Variants in MAP3K7 observed in about 807,000 individuals in gnomAD.
MAP3K7 encodes the protein TGF-beta activated kinase 1.
A neutral mutation model predicts 84.8 loss-of-function variants in MAP3K7; 21 were observed. The observed-to-expected ratio is 0.25, with a 90% CI of 0.18 to 0.36. The LOEUF (loss-of-function observed/expected upper bound fraction) is 0.36. Among genes scored for constraint, MAP3K7 ranks in the 10% least tolerant of loss-of-function variants. MAP3K7 has a pLI of 1.00. For synonymous variants in MAP3K7, 241 were observed against 247.7 expected, an observed-to-expected ratio of 0.97 and a Z score of 0.25; for missense variants, 503 against 747.7, an observed-to-expected ratio of 0.67 and a Z score of 3.82.
intron 1 of MAP3K7, among the ~76,000 whole-genome samples, chr6:90,581,008 A>C (rs973029564): frequency 6.6e-6 from 1 of 152,238 alleles, no homozygotes; most frequent in African/African-American, 2.4e-5. Flanking sequence ...AAAATACAGA[A>C]GAATATGAGA....
chr6:90,518,844 C>T lies in MAP3K7; in HGVS notation c.1525-282G>A, dbSNP rs1480934296. Among the ~76,000 whole-genome samples the T allele has an allele frequency of 4.0e-5, 6 of 151,768 alleles. No individual in the cohort carries two copies. In the East Asian group the frequency reaches 1.2e-3, roughly 29 times the overall value. ...ATTTCAGGCTGCAAACAGGCTCAAACTAAATGATGTTTATAGCCCTCATAC... is the reference window on the plus strand; with the variant it reads ...ATTTCAGGCTGCAAACAGGCTCAAATTAAATGATGTTTATAGCCCTCATAC... On this transcript the variant is annotated intron_variant, in intron 15 of 16. Coordinates refer to ENST00000369329, the MANE Select transcript of MAP3K7 (RefSeq NM_145331.3).
chr6:90,543,871 G>A (rs889723437), intron 12 of MAP3K7, among the ~76,000 whole-genome samples: 1 of 151,992 alleles, frequency 6.6e-6, no homozygotes, highest in Non-Finnish European at 1.5e-5. Context: ...ATCACCATAA[G>A]AAATAAAGCA....
intron 1 of MAP3K7, among the ~76,000 whole-genome samples, chr6:90,574,741 T>C (rs546794000): frequency 1.1e-4 from 16 of 152,320 alleles, no homozygotes; most frequent in Middle Eastern, 3.4e-3. Flanking sequence ...AATTCACAAG[T>C]GCCACCTAGT....
intron 15 of MAP3K7, 27 bp downstream of exon 15, chr6:90,519,231 A>G (rs374447282): frequency 2.0e-6 from 3 of 1,528,844 alleles, no homozygotes; most frequent in African/African-American, 2.8e-5. Context: ...AAAAAAGTCA[A>G]CTTTCAATAA....
intron 1 of MAP3K7, among the ~76,000 whole-genome samples, chr6:90,572,983 C>T (rs1030468260): frequency 6.6e-6 from 1 of 152,076 alleles, no homozygotes; most frequent in Admixed American, 6.6e-5. Flanking sequence ...TTTTCTTTAG[C>T]AAAAAATCTG....
chr6:90,587,010 G>T lies in MAP3K7; in HGVS notation c.-127C>A. 1 of 1,170,880 alleles carries T rather than the reference G, an allele frequency of 8.5e-7. No individual in the cohort carries two copies. The highest frequency in any genetic ancestry group is 1.1e-6 in the Non-Finnish European group (1 of 887,722). The allele number at this position is 1,170,880 out of a possible 1,614,324, so 72.5% of individuals were successfully genotyped here. On this transcript the variant is annotated 5_prime_UTR_variant, in exon 1 of 17. Transcript: ENST00000369329. ...GCGCAGTCCTACTACCCGGCGATCCGTGGCGGGGGTAGAGGCAGCGGCCAC... is the reference window on the plus strand; with the variant it reads ...GCGCAGTCCTACTACCCGGCGATCCTTGGCGGGGGTAGAGGCAGCGGCCAC...
rs1582197017 is a variant in MAP3K7, at chr6:90,548,123, A to G, written c.1004T>C (p.Met335Thr). ...ATCATTTGTGGCAGGAACTTGCTCCATATTAGTGTCACTTTTGTTACTCGT... is the reference window on the plus strand; with the variant it reads ...ATCATTTGTGGCAGGAACTTGCTCCGTATTAGTGTCACTTTTGTTACTCGT... ...TNTSNKSDTN[M>T]EQVPATNDTI... Residue 335 changes from methionine to threonine, a missense_variant, in exon 10 of 17, where the codon ATG (methionine) becomes ACG (threonine). This residue lies in a region of MAP3K7 where 286 missense variants were observed against 313.6 expected (regional missense o/e 0.91). Coordinates refer to ENST00000369329, the MANE Select transcript of MAP3K7 (RefSeq NM_145331.3). 6.2e-7 allele frequency: 1 copy of G among 1,612,312 alleles called. No homozygotes were observed. Among genetic ancestry groups the G allele is most frequent in the Non-Finnish European group, 8.5e-7 (1 of 1,179,136 alleles).
chr6:90,559,011 T>C (rs551996556), intron 5 of MAP3K7, among the ~76,000 whole-genome samples: 8 of 152,326 alleles, frequency 5.3e-5, no homozygotes, highest in East Asian at 1.9e-4. Context: ...TCTGTTAATA[T>C]AGTGGAAAAA....
chr6:90,521,934 A>G (rs1775165330), intron 14 of MAP3K7, among the ~76,000 whole-genome samples: 1 of 152,160 alleles, frequency 6.6e-6, no homozygotes, highest in Non-Finnish European at 1.5e-5. Context: ...TTTAACTTAC[A>G]TTTACACTCT....
intron 13 of MAP3K7, among the ~76,000 whole-genome samples, chr6:90,529,115 G>A (rs1335881837): frequency 6.6e-6 from 1 of 152,138 alleles, no homozygotes; most frequent in Non-Finnish European, 1.5e-5. Flanking sequence ...CAAAATGTTC[G>A]TTTACTGATT....
At position 90,514,806 on chromosome 6, in the gene MAP3K7, A is replaced by G. The variant is rs1246311595; in HGVS notation, c.*1695T>C. 1 of 151,982 alleles carries G rather than the reference A, an allele frequency of 6.6e-6. No homozygotes were observed. The highest frequency in any genetic ancestry group is 1.5e-5 in the Non-Finnish European group (1 of 67,910). 9.4% of individuals were successfully genotyped at this position (151,982 alleles called of 1,614,324 possible). On this transcript the variant is annotated 3_prime_UTR_variant, in exon 17 of 17. Transcript: ENST00000369329. Reference sequence around the variant, plus strand: ...TTTTCTCTGCCAATTTTATTTTACTATTACTATGCTGAATCCAATATCTGT... The same window carrying G: ...TTTTCTCTGCCAATTTTATTTTACTGTTACTATGCTGAATCCAATATCTGT...
intron 14 of MAP3K7, among the ~76,000 whole-genome samples, chr6:90,519,944 T>A (rs527358863): frequency 6.6e-6 from 1 of 152,050 alleles, no homozygotes; most frequent in South Asian, 2.1e-4. Context: ...TGTGGCTCAA[T>A]GTCATGCCGA....
intron 4 of MAP3K7, among the ~76,000 whole-genome samples, chr6:90,560,668 T>C (rs1185657083): frequency 2.6e-5 from 4 of 152,124 alleles, no homozygotes; most frequent in Admixed American, 2.0e-4. Flanking sequence ...CCTTTTAATT[T>C]TTCTTCTAAA....
chr6:90,573,300 C>T (rs1209121017), intron 1 of MAP3K7, among the ~76,000 whole-genome samples: 1 of 152,114 alleles, frequency 6.6e-6, no homozygotes, highest in Non-Finnish European at 1.5e-5. Context: ...TTACTTTAGA[C>T]TTACATGAAC....
At chr6:90,560,960 T>A (rs922672869) in intron 4 of MAP3K7, among the ~76,000 whole-genome samples, 1 of 152,114 alleles carries the variant, frequency 6.6e-6, no homozygotes, top group Non-Finnish European at 1.5e-5. Context: ...AAACCAGAAG[T>A]AGTTCAATCA....
chr6:90,525,010 T>G (rs1775273314), intron 13 of MAP3K7, among the ~76,000 whole-genome samples: 1 of 151,170 alleles, frequency 6.6e-6, no homozygotes, highest in South Asian at 2.1e-4. Flanking sequence ...TTTATTCAAC[T>G]CAAAACTTGA....
chr6:90,567,694 T>C (rs1315194167), intron 3 of MAP3K7, among the ~76,000 whole-genome samples: 1 of 152,148 alleles, frequency 6.6e-6, no homozygotes, highest in African/African-American at 2.4e-5. Context: ...ACCATTTGAC[T>C]CAGCCATCCC....
At chr6:90,580,568 C>A (rs1777237011) in intron 1 of MAP3K7, among the ~76,000 whole-genome samples, 1 of 152,192 alleles carries the variant, frequency 6.6e-6, no homozygotes, top group African/African-American at 2.4e-5. Flanking sequence ...CAATCTCCCA[C>A]CTTGGCCTCC....
chr6:90,580,522 T>C (rs1317076195), intron 1 of MAP3K7, among the ~76,000 whole-genome samples: 3 of 152,252 alleles, frequency 2.0e-5, no homozygotes, highest in Non-Finnish European at 2.9e-5. Context: ...GGTCTCACTA[T>C]GTTGCCCAGA....
Sources: allele counts gnomAD v4.1 joint callset (sites outside exome capture counted in the v4.1 genomes callset), GRCh38; gene constraint gnomAD v4.1.1; regional missense constraint gnomAD v4.1.1; transcripts MANE v1.5; gene names NCBI Gene and HGNC (gene_info 2026-07-23, HGNC 2026-07-21).